The following PCDH15 variants were observed in gnomAD, a reference collection of about 807,000 sequenced individuals.
PCDH15 encodes protocadherin related 15.
PCDH15 carries 129 observed loss-of-function variants against 178.5 expected under a neutral mutation model. The ratio of observed to expected loss-of-function variants is 0.72; its 90% CI spans 0.63 to 0.84. The LOEUF (loss-of-function observed/expected upper bound fraction) is 0.84. PCDH15 is among the 40% of genes least tolerant of loss of function. The pLI, the probability that PCDH15 is intolerant of heterozygous loss-of-function variation, is 0.00. For missense variants in PCDH15, 2,230 were observed against 2,099.9 expected (o/e 1.06, Z -1.21); for synonymous variants, 800 against 732.0 (o/e 1.09, Z -1.50).
intron 1 of PCDH15, among the ~76,000 whole-genome samples, chr10:55,200,934 A>G (rs1840229040): frequency 6.6e-6 from 1 of 152,040 alleles, no homozygotes; most frequent in African/African-American, 2.4e-5. Context: ...CTGTGAGACA[A>G]TTAAACCTCT....
intron 3 of PCDH15, among the ~76,000 whole-genome samples, chr10:54,889,040 G>A (rs1214724758): frequency 1.3e-5 from 2 of 151,576 alleles, no homozygotes; most frequent in Admixed American, 6.6e-5. Context: ...ATATATATGA[G>A]CATAACAATA....
At chr10:53,872,258 C>T (rs1056192124) in intron 26 of PCDH15, among the ~76,000 whole-genome samples, 5 of 152,116 alleles carry the variant, frequency 3.3e-5, no homozygotes, top group Admixed American at 6.6e-5. Context: ...AGTCTTTGAA[C>T]GACCTCACTG....
At chr10:54,756,056 AACACACACACACACAC>A (rs71014414) in intron 1 of PCDH15, among the ~76,000 whole-genome samples, 3 of 71,676 alleles carry the variant, frequency 4.2e-5, no homozygotes, top group African/African-American at 8.8e-5. Context: ...CTCTACTAAA[AACACACACACACACAC>A]ACACACACAC....
In PCDH15 at chr10:53,802,942, T is replaced by A. The variant is rs968341281; in HGVS notation, c.*3637A>T. ...GAAGGTGTTGATAGATTTTTCAAAC[T>A]ATAGACAATGTTCGAATCTTCCATA... is the stretch of plus-strand genomic sequence containing the variant. On this transcript the variant is annotated 3_prime_UTR_variant, in exon 38 of 38. Transcript: ENST00000644397. 6.6e-6 allele frequency: 1 copy of A among 151,898 alleles called. No homozygotes were observed. The highest frequency in any genetic ancestry group is 6.6e-5 in the Admixed American group (1 of 15,232). The allele number at this position is 151,898 out of a possible 1,614,324, so 9.4% of individuals were successfully genotyped here.
intron 2 of PCDH15, among the ~76,000 whole-genome samples, chr10:55,342,071 C>A (rs2384632): frequency 1.3e-5 from 2 of 150,594 alleles, no homozygotes; most frequent in Non-Finnish European, 3.0e-5. Flanking sequence ...GAAAATCAAT[C>A]TTTTCATTTT....
At chr10:54,991,124 T>C (rs1470353229) in intron 2 of PCDH15, among the ~76,000 whole-genome samples, 2 of 152,182 alleles carry the variant, frequency 1.3e-5, no homozygotes, top group Non-Finnish European at 2.9e-5. Context: ...GAAAGATACT[T>C]TGTAGTGAAT....
At chr10:54,011,031 A>G (rs1330339817) in intron 20 of PCDH15, among the ~76,000 whole-genome samples, 1 of 152,170 alleles carries the variant, frequency 6.6e-6, no homozygotes, top group Admixed American at 6.5e-5. Flanking sequence ...CAGTCATCAT[A>G]TAGAGAGAAG....
At chr10:54,787,792 T>C (rs2384533) in intron 1 of PCDH15, among the ~76,000 whole-genome samples, 65,660 of 151,854 alleles carry the variant, frequency 0.43, 14,849 homozygotes, top group East Asian at 0.72. Flanking sequence ...CCCAAATTCA[T>C]GTTTGAGCCT....
At chr10:53,899,878 G>GT (rs2082210398) in intron 26 of PCDH15, among the ~76,000 whole-genome samples, 1 of 152,174 alleles carries the variant, frequency 6.6e-6, no homozygotes, top group Non-Finnish European at 1.5e-5. Flanking sequence ...TAAACATTAA[G>GT]TATTTATTAC....
rs181831546 is a variant in PCDH15, at chr10:54,780,978, C to T, written c.-29+19947G>A. ...TACAGTAATGTGGGAGAAAATGACA[C>T]GCACAGCCTATGGTAAGGGATAAGA... On this transcript the variant is annotated intron_variant, in intron 1 of 37. Coordinates refer to ENST00000644397, the MANE Select transcript of PCDH15 (RefSeq NM_001384140.1). Among the ~76,000 whole-genome samples, 400 of 152,076 alleles carry T rather than the reference C, an allele frequency of 2.6e-3. 2 individuals are homozygous for T. The highest frequency in any genetic ancestry group is 6.5e-3 in the African/African-American group (268 of 41,514).
chr10:55,239,017 C>T (rs766328260), intron 1 of PCDH15, among the ~76,000 whole-genome samples: 23 of 152,106 alleles, frequency 1.5e-4, no homozygotes, highest in Non-Finnish European at 2.6e-4. Flanking sequence ...CCCTTCCTAG[C>T]CTCTGGTAGC....
intron 2 of PCDH15, among the ~76,000 whole-genome samples, chr10:55,490,230 A>C (rs566183365): frequency 6.6e-6 from 1 of 151,846 alleles, no homozygotes; most frequent in South Asian, 2.1e-4. Flanking sequence ...GTTTTGCCAC[A>C]CTTAGGAGGC....
chr10:55,320,186 C>T (rs1843851050), upstream of PCDH15, among the ~76,000 whole-genome samples: 2 of 152,198 alleles, frequency 1.3e-5, no homozygotes, highest in South Asian at 4.1e-4. Flanking sequence ...TGCTTGTTCT[C>T]TACAGGTGCT....
chr10:54,397,844 C>A (rs1951441594), intron 3 of PCDH15, among the ~76,000 whole-genome samples: 1 of 151,632 alleles, frequency 6.6e-6, no homozygotes. Context: ...GATTCTAGAC[C>A]TTTTAAAATT....
At position 53,933,163 on chromosome 10, in the gene PCDH15, C is replaced by CT. The variant is rs537128321; in HGVS notation, c.3373+5651dup. 2.3e-3 allele frequency among the ~76,000 whole-genome samples: 348 copies of CT among 149,052 alleles called. 2 individuals carry two copies. The highest frequency in any genetic ancestry group is 7.6e-3 in the African/African-American group (308 of 40,600). On this transcript the variant is annotated intron_variant, in intron 25 of 37. Coordinates refer to ENST00000644397, the MANE Select transcript of PCDH15 (RefSeq NM_001384140.1). ...AGAAATTACCCAGTCTCAGGTATTT[C>CT]TTTTTTTTTTAAATTTTATTATTAT...
intron 3 of PCDH15, among the ~76,000 whole-genome samples, chr10:54,452,784 CAAGAA>C (rs1467905870): frequency 6.6e-6 from 1 of 151,922 alleles, no homozygotes; most frequent in African/African-American, 2.4e-5. Flanking sequence ...TGTTGGAACT[CAAGAA>C]AAGAGACTAG....
At chr10:55,479,613 T>C (rs1381202786) in intron 2 of PCDH15, among the ~76,000 whole-genome samples, 1 of 151,622 alleles carries the variant, frequency 6.6e-6, no homozygotes, top group Non-Finnish European at 1.5e-5. Context: ...ACTAAGCCAA[T>C]GATGACTATT....
At position 54,165,756 on chromosome 10, in the gene PCDH15, A is replaced by G. The variant is rs182353199; in HGVS notation, c.1591-12463T>C. On this transcript the variant is annotated intron_variant, in intron 13 of 37. Transcript: ENST00000644397. Reference sequence around the variant, plus strand: ...TTGTATACAATGCCAAATCTAAACTACTCTACATGCAAGGTAGCCATCTTA... The same window carrying G: ...TTGTATACAATGCCAAATCTAAACTGCTCTACATGCAAGGTAGCCATCTTA... Among the ~76,000 whole-genome samples, 272 of 152,192 alleles carry G rather than the reference A, an allele frequency of 1.8e-3. 2 individuals carry two copies. Among genetic ancestry groups the G allele is most frequent in the African/African-American group, 6.1e-3 (252 of 41,522 alleles).
chr10:54,161,064 G>A (rs2045662397), intron 13 of PCDH15, among the ~76,000 whole-genome samples: 1 of 152,158 alleles, frequency 6.6e-6, no homozygotes, highest in East Asian at 1.9e-4. Context: ...ATATATATGT[G>A]TGTGTATATA....
Sources: allele counts gnomAD v4.1 joint callset (sites outside exome capture counted in the v4.1 genomes callset), GRCh38; gene constraint gnomAD v4.1.1; transcripts MANE v1.5; gene names NCBI Gene and HGNC (gene_info 2026-07-23, HGNC 2026-07-21).